Variants in NECAB2 observed in about 807,000 individuals in gnomAD.
NECAB2 encodes the protein N-terminal EF-hand calcium-binding protein 2.
A neutral mutation model predicts 51.9 loss-of-function variants in NECAB2; 68 were observed. The ratio of observed to expected loss-of-function variants is 1.31; its 90% confidence interval spans 1.08 to 1.60. The LOEUF is 1.60. NECAB2 is among the 40% of genes most tolerant of loss of function. The pLI, the probability that NECAB2 is intolerant of heterozygous loss-of-function variation, is 0.00. For synonymous variants in NECAB2, 329 were observed against 203.5 expected (o/e 1.62, Z -5.25); for missense variants, 854 against 490.3 (o/e 1.74, Z -7.00).
At chr16:84,000,857 GTCTTCCTGGAGCCAGGCATCC>G in intron 11 of NECAB2, 56 bp downstream of exon 11, 1 of 1,567,186 alleles carries the variant, frequency 6.4e-7, no homozygotes, top group Non-Finnish European at 8.8e-7. Context: ...TGGGGGGGCT[GTCTTCCTGGAGCCAGGCATCC>G]TTGGAGGGGA....
Position 84,002,442 on chromosome 16 carries a change from T to G in NECAB2, c.*96T>G. On this transcript the variant is annotated 3_prime_UTR_variant, in exon 13 of 13. Transcript: ENST00000305202. ...AGACAGACACTTTGGTGCAGAAGCT[T>G]CTTTTCAATCCATCCTCCACAAGAA... 1.4e-6 allele frequency: 2 copies of G among 1,456,206 alleles called. No homozygotes were observed. The highest frequency in any genetic ancestry group is 2.3e-5 in the East Asian group (1 of 44,032). 90.2% of individuals were successfully genotyped at this position (1,456,206 alleles called of 1,614,324 possible).
At chr16:83,979,404 G>T (rs545230921) in intron 3 of NECAB2, among the ~76,000 whole-genome samples, 1 of 152,244 alleles carries the variant, frequency 6.6e-6, no homozygotes, top group African/African-American at 2.4e-5. Context: ...GTAGAGTACA[G>T]TGGTGGTTTG....
At chr16:83,972,406 C>T (rs2084359634) in intron 2 of NECAB2, among the ~76,000 whole-genome samples, 1 of 152,212 alleles carries the variant, frequency 6.6e-6, no homozygotes, top group African/African-American at 2.4e-5. Context: ...CTCAAGGGCT[C>T]AGTGAGTCTT....
chr16:83,997,009 C>G (rs1396260074), intron 8 of NECAB2, among the ~76,000 whole-genome samples: 1 of 150,522 alleles, frequency 6.6e-6, no homozygotes, highest in Admixed American at 6.6e-5. Flanking sequence ...CTGCCTCTCC[C>G]AAGCCATCCT....
At position 83,992,975 on chromosome 16, in the gene NECAB2, C is replaced by G. The variant is rs868313110; in HGVS notation, c.597-1327C>G. The stretch of plus-strand genomic sequence containing the variant: ...CAGTTTTCAGGGCAGACTTCCCACA[C>G]TGGGTCAGCTCCATCACGCGTCAGC... On this transcript the variant is annotated intron_variant, in intron 6 of 12. Transcript: ENST00000305202. Among the ~76,000 whole-genome samples the G allele has an allele frequency of 1.2e-4, 18 of 152,226 alleles. 1 individual carries two copies. The highest frequency in any genetic ancestry group is 4.1e-4 in the African/African-American group (17 of 41,450).
upstream of NECAB2, among the ~76,000 whole-genome samples, chr16:83,967,978 G>A (rs1324848455): frequency 6.7e-6 from 1 of 149,818 alleles, no homozygotes; most frequent in African/African-American, 2.5e-5. Context: ...GGGTAGGCAG[G>A]TGGATGGATG....
At chr16:83,998,339 G>C (rs2084750792) in intron 10 of NECAB2, 22 bp downstream of exon 10, 1 of 1,608,526 alleles carries the variant, frequency 6.2e-7, no homozygotes, top group Non-Finnish European at 8.5e-7. Flanking sequence ...GCCGAGGCGT[G>C]GGTGGGATGG....
chr16:83,972,252 G>A (rs937035595), intron 2 of NECAB2, 77 bp downstream of exon 2: 2 of 1,601,622 alleles, frequency 1.2e-6, no homozygotes, highest in African/African-American at 1.3e-5. Context: ...TCAGGGATAG[G>A]AGACAAGCGC....
intron 8 of NECAB2, among the ~76,000 whole-genome samples, chr16:83,995,770 G>A (rs1224533434): frequency 2.2e-4 from 33 of 152,210 alleles, no homozygotes; most frequent in Admixed American, 2.2e-3. Flanking sequence ...GACGTGGAAT[G>A]AAGTCCGAGG....
intron 2 of NECAB2, among the ~76,000 whole-genome samples, chr16:83,976,518 C>T (rs376927686): frequency 5.3e-5 from 8 of 152,320 alleles, no homozygotes; most frequent in African/African-American, 1.9e-4. Context: ...AAGGCATCCT[C>T]TGTCACAGAA....
At position 83,990,383 on chromosome 16, in the gene NECAB2, T is replaced by C; in HGVS notation, c.460-111T>C. 2.1e-6 allele frequency: 3 copies of C among 1,433,764 alleles called. No individual in the cohort carries two copies. The South Asian group carries it at 3.9e-5, about 19-fold the overall frequency. 88.8% of individuals were successfully genotyped at this position (1,433,764 alleles called of 1,614,324 possible). A position where few individuals can be genotyped will look rare whatever the true frequency, so the allele number is the denominator to read the frequency against. On this transcript the variant is annotated intron_variant, in intron 5 of 12. Transcript: ENST00000305202. ...GAGGCCGTGGGGTCCTCCCTTCCCT[T>C]TGCAAAGCAAATTCACCAGCACCAG...
Position 84,002,423 on chromosome 16 carries a change from A to C in NECAB2, c.*77A>C. The stretch of plus-strand genomic sequence containing the variant: ...GGAAATCCCGTTTTTTTCTAGACAG[A>C]CACTTTGGTGCAGAAGCTTCTTTTC... On this transcript the variant is annotated 3_prime_UTR_variant, in exon 13 of 13. Transcript: ENST00000305202. 1 of 1,529,716 alleles carries C rather than the reference A, an allele frequency of 6.5e-7. No homozygotes were observed. Among genetic ancestry groups the C allele is most frequent in the Non-Finnish European group, 9.0e-7 (1 of 1,105,578 alleles). The allele number at this position is 1,529,716 out of a possible 1,614,324, so 94.8% of individuals were successfully genotyped here. A position where few individuals can be genotyped will look rare whatever the true frequency, so the allele number is the denominator to read the frequency against.
intron 5 of NECAB2, among the ~76,000 whole-genome samples, chr16:83,983,873 A>G (rs1026931648): frequency 1.3e-5 from 2 of 152,144 alleles, no homozygotes; most frequent in South Asian, 2.1e-4. Context: ...GAATTTATCC[A>G]TAACGCTTGG....
At chr16:83,968,211 C>T (rs1357442241), upstream of NECAB2, among the ~76,000 whole-genome samples, 1 of 151,296 alleles carries the variant, frequency 6.6e-6, no homozygotes, top group Admixed American at 6.6e-5. Flanking sequence ...CGGCAGAGGG[C>T]GCTCCGGGCT....
chr16:83,972,696 C>G (rs1463063684), intron 2 of NECAB2, among the ~76,000 whole-genome samples: 1 of 152,198 alleles, frequency 6.6e-6, no homozygotes, highest in African/African-American at 2.4e-5. Flanking sequence ...GAAACGGAGG[C>G]TCTCCTGAAG....
At chr16:84,000,912 A>C in intron 11 of NECAB2, 111 bp downstream of exon 11, 1 of 1,057,488 alleles carries the variant, frequency 9.5e-7, no homozygotes, top group Non-Finnish European at 1.4e-6. Flanking sequence ...TCCAGTCAGC[A>C]GATTCCCGAG....
intron 8 of NECAB2, among the ~76,000 whole-genome samples, chr16:83,996,256 A>C (rs1210322405): frequency 3.3e-5 from 5 of 152,120 alleles, no homozygotes; most frequent in African/African-American, 1.2e-4. Flanking sequence ...AACCATGGAA[A>C]CAGACTTGTT....
chr16:83,983,665 C>T (rs2084516269), intron 5 of NECAB2, among the ~76,000 whole-genome samples: 1 of 152,252 alleles, frequency 6.6e-6, no homozygotes, highest in South Asian at 2.1e-4. Context: ...CCTTCGCTCC[C>T]TGTGATAAAC....
chr16:83,994,450 T>TA, intron 7 of NECAB2, 30 bp downstream of exon 7: 1 of 1,610,148 alleles, frequency 6.2e-7, no homozygotes, highest in Non-Finnish European at 8.5e-7. Flanking sequence ...CTGGTGGGGG[T>TA]ACCAGCTGGG....
Sources: allele counts gnomAD v4.1 joint callset (sites outside exome capture counted in the v4.1 genomes callset), GRCh38; gene constraint gnomAD v4.1.1; transcripts MANE v1.5; gene names NCBI Gene and HGNC (gene_info 2026-07-23, HGNC 2026-07-21).